The following GUCY2C variants were observed in gnomAD, a reference collection of about 807,000 sequenced individuals.
GUCY2C encodes the protein guanylate cyclase 2C, also known as guanylyl cyclase C.
Under a neutral mutation model 131.1 loss-of-function variants are expected in GUCY2C, and 118 were observed. That is an observed-to-expected ratio of 0.90 (90% CI 0.78 to 1.05). GUCY2C has a LOEUF of 1.05. Ranked by LOEUF, GUCY2C falls within the 50% of genes least tolerant of loss-of-function variation. The pLI is 0.00. For missense variants in GUCY2C, 1,161 were observed against 1,304.4 expected, an observed-to-expected ratio of 0.89 and a Z score of 1.69; for synonymous variants, 452 against 457.8, an observed-to-expected ratio of 0.99 and a Z score of 0.16.
Position 14,672,939 on chromosome 12 carries a change from G to T in GUCY2C, c.1104C>A (p.Thr368=). Residue 368 remains threonine (T), a synonymous_variant, in exon 9 of 27, where the codon ACC becomes ACA. Transcript: ENST00000261170. The part of the protein sequence containing the change: ...LTFEGYDGPV[T]LDDWGDVDST... ...TGTCAACATCCCCCCAGTCATCCAA[G>T]GTCACTGGACCGTCATACCCTAGGG... The T allele has an allele frequency of 6.2e-7, 1 of 1,604,558 alleles. No homozygotes were observed. Among genetic ancestry groups the T allele is most frequent in the Non-Finnish European group, 8.5e-7 (1 of 1,171,310 alleles).
At chr12:14,661,911 T>C (rs748265713) in intron 10 of GUCY2C, among the ~76,000 whole-genome samples, 2 of 152,070 alleles carry the variant, frequency 1.3e-5, no homozygotes, top group African/African-American at 4.8e-5. Flanking sequence ...GTTGTATAGA[T>C]GGAGTAAGTG....
At chr12:14,616,779 G>A (rs753952449) in intron 24 of GUCY2C, 52 bp from the exon 25 acceptor site, 2 of 973,204 alleles carry the variant, frequency 2.1e-6, no homozygotes, top group African/African-American at 1.6e-5. Context: ...CAGCCTATTT[G>A]TTTCCCGTTG....
At position 14,693,471 on chromosome 12, in the gene GUCY2C, T is replaced by TA. The variant is rs112108825; in HGVS notation, c.217+2760dup. ...AGACCCTCAAAGCTTTCCTGATTCC[T>TA]AAAAAAAATATTGATCATTTCCCTT... is the stretch of plus-strand genomic sequence containing the variant. On this transcript the variant is annotated intron_variant, in intron 1 of 26. Transcript: ENST00000261170. 6.4e-4 allele frequency among the ~76,000 whole-genome samples: 97 copies of TA among 152,122 alleles called. 1 individual carries two copies. Among genetic ancestry groups the TA allele is most frequent in the Admixed American group, 2.0e-4 (3 of 15,264 alleles).
chr12:14,679,552 C>A (rs970501780), intron 6 of GUCY2C, 105 bp downstream of exon 6: 1 of 678,424 alleles, frequency 1.5e-6, no homozygotes, highest in Non-Finnish European at 2.7e-6. Flanking sequence ...TACTTAACCC[C>A]ATAAGGGGTT....
chr12:14,683,002 C>A, intron 4 of GUCY2C, 40 bp downstream of exon 4: 1 of 1,400,414 alleles, frequency 7.1e-7, no homozygotes, highest in South Asian at 1.2e-5. Flanking sequence ...TGGCTTCTCT[C>A]CATGGCAAGT....
chr12:14,669,661 C>G, intron 10 of GUCY2C, 61 bp downstream of exon 10: 2 of 834,796 alleles, frequency 2.4e-6, no homozygotes, highest in East Asian at 5.0e-5. Context: ...AAACAATAGA[C>G]TTTACTTTTC....
intron 1 of GUCY2C, among the ~76,000 whole-genome samples, chr12:14,693,307 C>G (rs1386705467): frequency 6.6e-6 from 1 of 152,120 alleles, no homozygotes; most frequent in East Asian, 1.9e-4. Context: ...GTGGGACCAG[C>G]TCAGCACAAG....
intron 19 of GUCY2C, among the ~76,000 whole-genome samples, chr12:14,633,396 T>C (rs1947194227): frequency 6.6e-6 from 1 of 152,136 alleles, no homozygotes; most frequent in Admixed American, 6.5e-5. Flanking sequence ...ATACTATAGA[T>C]ACATCTTCAG....
chr12:14,675,847 T>C (rs545924014), intron 7 of GUCY2C, among the ~76,000 whole-genome samples: 25 of 152,228 alleles, frequency 1.6e-4, no homozygotes, highest in Non-Finnish European at 3.5e-4. Context: ...ACACTCAGAA[T>C]TATATTTGCT....
intron 8 of GUCY2C, among the ~76,000 whole-genome samples, chr12:14,673,754 C>T (rs553157190): frequency 3.3e-5 from 5 of 152,114 alleles, no homozygotes; most frequent in South Asian, 4.1e-4. Context: ...AATGCTCAAC[C>T]GTGGTCATGG....
intron 19 of GUCY2C, among the ~76,000 whole-genome samples, chr12:14,636,325 A>G (rs1366353397): frequency 3.3e-5 from 5 of 152,238 alleles, no homozygotes; most frequent in African/African-American, 1.2e-4. Flanking sequence ...TAAACATGAT[A>G]CATTACGTCA....
chr12:14,622,072 A>C lies in GUCY2C; in HGVS notation c.2534T>G (p.Val845Gly), dbSNP rs777079935. The C allele has an allele frequency of 3.7e-6, 6 of 1,610,190 alleles. No homozygotes were observed. Among genetic ancestry groups the C allele is most frequent in the Non-Finnish European group, 5.1e-6 (6 of 1,178,710 alleles). ...ATAGATGTCATTAAGCATGTCCACC[A>C]CTTCCATGGGGGTGCTGTATTTGCA... ...TICKYSTPMEVVDMLNDIYKS... is the reference protein window; with the variant it reads ...TICKYSTPMEGVDMLNDIYKS... The change falls in exon 22 of 27, where the codon GTG becomes GGG. Residue 845 changes from valine (V) to glycine (G), a missense_variant. Physicochemically the swap from Val to Gly is moderately radical, Grantham distance 109. Transcript: ENST00000261170.
At chr12:14,638,951 C>G (rs1947336119) in intron 19 of GUCY2C, among the ~76,000 whole-genome samples, 2 of 152,050 alleles carry the variant, frequency 1.3e-5, no homozygotes, top group South Asian at 4.1e-4. Flanking sequence ...GCGCATATGA[C>G]AAAATATCAC....
At position 14,683,034 on chromosome 12, in the gene GUCY2C, C is replaced by T. The variant is rs999499143; in HGVS notation, c.611+8G>A. ...AAGTGCTAGTGAAATATTAATGATC[C>T]TGCTTACCAGAAACAGTCCTCAGTT... On this transcript the variant is annotated splice_region_variant and intron_variant, in intron 4 of 26. Coordinates refer to ENST00000261170, the MANE Select transcript of GUCY2C (RefSeq NM_004963.4). The T allele has an allele frequency of 6.3e-7, 1 of 1,585,830 alleles. No individual in the cohort carries two copies. The highest frequency in any genetic ancestry group is 1.3e-5 in the African/African-American group (1 of 74,254).
At chr12:14,649,154 A>G (rs1419753839) in intron 15 of GUCY2C, among the ~76,000 whole-genome samples, 1 of 152,164 alleles carries the variant, frequency 6.6e-6, no homozygotes, top group Admixed American at 6.5e-5. Flanking sequence ...TCATATCTTA[A>G]GTAGCATGAC....
At chr12:14,641,693 C>T (rs1257956049) in intron 17 of GUCY2C, among the ~76,000 whole-genome samples, 2 of 152,160 alleles carry the variant, frequency 1.3e-5, no homozygotes, top group Admixed American at 6.5e-5. Flanking sequence ...AATCCCAGTA[C>T]TTTGGGAGGC....
intron 25 of GUCY2C, 115 bp downstream of exon 25, chr12:14,616,518 C>T (rs976952925): frequency 1.1e-4 from 81 of 712,896 alleles, no homozygotes; most frequent in Admixed American, 1.1e-3. Context: ...GGGTGCTCAT[C>T]GTGATGAGTA....
rs1565613840 is a variant in GUCY2C at position 14,639,944 on chromosome 12, A to T, written c.2075T>A (p.Ile692Asn). Reference protein sequence around the residue: ...TLSCRDRNEKIFRVENSNGMK... With the variant: ...TLSCRDRNEKNFRVENSNGMK... ...TCCATTGGAATTTTCCACTCTGAAA[A>T]TCTTCTCTGGTTGGGTGAGAAAAAT... Residue 692 changes from isoleucine to asparagine, a missense_variant, in exon 19 of 27, where the codon ATT becomes AAT. By Grantham distance (149) the Ile-to-Asn change is moderately radical. Transcript: ENST00000261170. 1 of 1,597,958 alleles carries T rather than the reference A, an allele frequency of 6.3e-7. No individual in the cohort carries two copies. The highest frequency in any genetic ancestry group is 1.1e-5 in the South Asian group (1 of 90,716).
intron 17 of GUCY2C, among the ~76,000 whole-genome samples, chr12:14,642,836 T>G (rs1947437051): frequency 6.6e-6 from 1 of 152,176 alleles, no homozygotes; most frequent in Non-Finnish European, 1.5e-5. Context: ...TGGCTGTGGA[T>G]GTAGGGACAG....
Sources: allele counts gnomAD v4.1 joint callset (sites outside exome capture counted in the v4.1 genomes callset), GRCh38; gene constraint gnomAD v4.1.1; transcripts MANE v1.5; gene names NCBI Gene and HGNC (gene_info 2026-07-23, HGNC 2026-07-21).